UIMC1: variants seen among roughly 807,000 people sequenced by gnomAD.
UIMC1 encodes BRCA1-A complex subunit RAP80.
Under a neutral mutation model 84.9 loss-of-function variants are expected in UIMC1, and 42 were observed. That is an observed-to-expected ratio of 0.49 (90% CI 0.39 to 0.64). UIMC1 has a LOEUF of 0.64. Ranked by LOEUF, UIMC1 falls within the 30% of genes least tolerant of loss-of-function variation. The pLI, the probability that UIMC1 is intolerant of heterozygous loss-of-function variation, is 0.00. For missense variants in UIMC1, 825 were observed against 847.6 expected (o/e 0.97, Z 0.33); for synonymous variants, 281 against 293.0 (o/e 0.96, Z 0.42).
At chr5:176,997,451 G>A (rs1026936735) in intron 1 of UIMC1, among the ~76,000 whole-genome samples, 29 of 152,036 alleles carry the variant, frequency 1.9e-4, no homozygotes, top group African/African-American at 5.8e-4. Context: ...CTGGGAGGCC[G>A]AGGCAGGCGG....
intron 2 of UIMC1, among the ~76,000 whole-genome samples, chr5:176,977,512 T>C (rs1770288294): frequency 6.7e-6 from 1 of 148,540 alleles, no homozygotes; most frequent in African/African-American, 2.5e-5. Context: ...TTAATGGAGA[T>C]TGCAGTAAGC....
At chr5:176,927,262 A>AT (rs1237741676) in intron 10 of UIMC1, among the ~76,000 whole-genome samples, 7 of 146,600 alleles carry the variant, frequency 4.8e-5, no homozygotes, top group South Asian at 2.2e-4. Flanking sequence ...GAATTTCTTT[A>AT]TTTTTTTTGG....
intron 10 of UIMC1, among the ~76,000 whole-genome samples, chr5:176,923,968 C>T (rs374144935): frequency 6.6e-6 from 1 of 151,322 alleles, no homozygotes; most frequent in Non-Finnish European, 1.5e-5. Flanking sequence ...GAAATTACAT[C>T]GTATATTTAC....
chr5:176,905,083 A>C lies in UIMC1; in HGVS notation c.*199T>G. 2.2e-6 allele frequency: 1 copy of C among 463,448 alleles called. No homozygotes were observed. Among genetic ancestry groups the C allele is most frequent in the Middle Eastern group, 5.9e-4 (1 of 1,692 alleles). The allele number at this position is 463,448 out of a possible 1,614,324, so 28.7% of individuals were successfully genotyped here. A position where few individuals can be genotyped will look rare whatever the true frequency, so the allele number is the denominator to read the frequency against. ...AATTTTTTAACTGTAAGTAAATTCA[A>C]ACAAACTGTTATAAAACAGAATACA... is the stretch of plus-strand genomic sequence containing the variant. On this transcript the variant is annotated 3_prime_UTR_variant, in exon 15 of 15. Coordinates refer to ENST00000511320, the MANE Select transcript of UIMC1 (RefSeq NM_001199298.2).
chr5:176,944,397 C>G (rs957258435), intron 9 of UIMC1, among the ~76,000 whole-genome samples: 1 of 152,202 alleles, frequency 6.6e-6, no homozygotes, highest in Non-Finnish European at 1.5e-5. Context: ...ATTTTACCTA[C>G]ACAGGTTGAT....
At chr5:176,943,297 A>T (rs754230914) in intron 10 of UIMC1, 38 bp downstream of exon 10, 37 of 1,600,892 alleles carry the variant, frequency 2.3e-5, no homozygotes, top group Non-Finnish European at 4.3e-6. Flanking sequence ...ACCACCACAC[A>T]AAAAAGTAAG....
chr5:176,911,289 T>C (rs986782986), intron 11 of UIMC1, 22 bp downstream of exon 11: 1 of 1,576,414 alleles, frequency 6.3e-7, no homozygotes, highest in Non-Finnish European at 8.6e-7. Flanking sequence ...AAGAGCTCCG[T>C]GAATGCAGCA....
chr5:176,970,775 C>T lies in UIMC1; in HGVS notation c.324G>A (p.Glu108=). 1.2e-6 allele frequency: 2 copies of T among 1,614,098 alleles called. No individual in the cohort carries two copies. The highest frequency in any genetic ancestry group is 1.7e-6 in the Non-Finnish European group (2 of 1,180,024). ...EVNSQEEEEE[E]LLRKAIAESL... ...TTTCAGCAATGGCTTTCCTCAAGAG[C>T]TCCTCTTCTTCCTCCTCCTGGCTGT... The change falls in exon 4 of 15, where the codon GAG becomes GAA. Residue 108 remains glutamate, a synonymous_variant. Transcript: ENST00000511320.
intron 1 of UIMC1, among the ~76,000 whole-genome samples, chr5:177,013,182 G>A (rs963402823): frequency 1.3e-5 from 2 of 151,926 alleles, no homozygotes; most frequent in African/African-American, 4.8e-5. Context: ...GACCAGCCTG[G>A]CCCACATGGC....
intron 6 of UIMC1, among the ~76,000 whole-genome samples, chr5:176,965,339 G>A (rs113560489): frequency 0.021 from 3,142 of 151,430 alleles, 49 homozygotes; most frequent in Non-Finnish European, 0.033. Context: ...AGGAGAATGC[G>A]TGAACCCGGG....
chr5:177,016,446 CT>C (rs1239406828), intron 1 of UIMC1, among the ~76,000 whole-genome samples: 3 of 152,134 alleles, frequency 2.0e-5, no homozygotes, highest in South Asian at 4.1e-4. Flanking sequence ...AATTCCAGAA[CT>C]TTGGGAGGCC....
At chr5:176,909,417 G>A (rs946152587) in intron 11 of UIMC1, among the ~76,000 whole-genome samples, 3 of 152,122 alleles carry the variant, frequency 2.0e-5, no homozygotes, top group African/African-American at 4.8e-5. Context: ...CCTCTGCAAG[G>A]CCCTTTAATC....
chr5:176,907,613 T>C (rs1759563094), intron 12 of UIMC1, among the ~76,000 whole-genome samples: 1 of 152,220 alleles, frequency 6.6e-6, no homozygotes, highest in African/African-American at 2.4e-5. Context: ...AATATGGAGC[T>C]GCTGCTTTAT....
intron 1 of UIMC1, among the ~76,000 whole-genome samples, chr5:176,985,229 G>A (rs993084559): frequency 4.6e-5 from 7 of 152,102 alleles, no homozygotes; most frequent in Non-Finnish European, 1.0e-4. Flanking sequence ...GCTGAGGCAG[G>A]TGGATCATTT....
intron 1 of UIMC1, among the ~76,000 whole-genome samples, chr5:176,989,752 T>C (rs1772529674): frequency 1.3e-5 from 2 of 152,232 alleles, no homozygotes; most frequent in Admixed American, 6.5e-5. Context: ...AGTTATTATT[T>C]AAGTATACAT....
chr5:176,989,830 G>C (rs1424756839), intron 1 of UIMC1, among the ~76,000 whole-genome samples: 2 of 152,022 alleles, frequency 1.3e-5, no homozygotes, highest in Non-Finnish European at 2.9e-5. Context: ...TGGTCTAAAT[G>C]TTTGTGTCCC....
At chr5:176,967,223 C>T (rs1291075099) in intron 6 of UIMC1, among the ~76,000 whole-genome samples, 1 of 151,476 alleles carries the variant, frequency 6.6e-6, no homozygotes, top group Admixed American at 6.6e-5. Context: ...GATGAAATGT[C>T]TTCTGGACAT....
intron 10 of UIMC1, among the ~76,000 whole-genome samples, chr5:176,925,025 T>C (rs893480414): frequency 6.6e-5 from 9 of 135,916 alleles, no homozygotes; most frequent in African/African-American, 2.5e-4. Flanking sequence ...AGCAAGACTC[T>C]GCCTCAAAAA....
chr5:176,956,034 C>A lies in UIMC1; in HGVS notation c.1264G>T (p.Val422Phe). 6.2e-7 allele frequency: 1 copy of A among 1,612,796 alleles called. No homozygotes were observed. The highest frequency in any genetic ancestry group is 8.5e-7 in the Non-Finnish European group (1 of 1,179,450). Residue 422 changes from valine to phenylalanine, a missense_variant and splice_region_variant, in exon 8 of 15, where the codon GTT becomes TTT. Coordinates refer to ENST00000511320, the MANE Select transcript of UIMC1 (RefSeq NM_001199298.2). ...EGNSVPASQS[V>F]AALTSKRSLV... Reference sequence around the variant, plus strand: ...CTTCTCTTACTGGTCAAAGCAGCAACACTGAAAGAGAACCAAATCCCAAAT... The same window carrying A: ...CTTCTCTTACTGGTCAAAGCAGCAAAACTGAAAGAGAACCAAATCCCAAAT...
Sources: gnomAD v4.1 joint callset for allele counts (sites outside exome capture counted in the v4.1 genomes callset) on GRCh38, gnomAD v4.1.1 for gene constraint, MANE v1.5 for transcripts, NCBI Gene and HGNC (gene_info 2026-07-23, HGNC 2026-07-21) for gene names.